The following KIF12 variants were observed in gnomAD, a reference collection of about 807,000 sequenced individuals.
The protein encoded by KIF12 is kinesin family member 12, also known as kinesin-like protein KIF12.
In KIF12, 80 loss-of-function variants were observed where a neutral mutation model predicts 87.9. The observed-to-expected ratio is 0.91, with a 90% CI of 0.76 to 1.10. The LOEUF (loss-of-function observed/expected upper bound fraction) is 1.10. Among genes scored for constraint, KIF12 ranks in the 50% least tolerant of loss-of-function variants. The pLI is 0.00. For synonymous variants in KIF12, 353 were observed against 348.5 expected (o/e 1.01, Z -0.14); for missense variants, 819 against 865.3 (o/e 0.95, Z 0.67).
chr9:114,092,114 T>TGCCCCC, intron 18 of KIF12, 114 bp from the exon 19 acceptor site: 2 of 1,389,244 alleles, frequency 1.4e-6, no homozygotes, highest in Non-Finnish European at 1.9e-6. Context: ...CCTCCACCCT[T>TGCCCCC]CCCCCCACCC....
intron 18 of KIF12, 114 bp from the exon 19 acceptor site, chr9:114,092,114 T>TCCCCCCCCCCCCCCC: frequency 7.2e-7 from 1 of 1,389,294 alleles, no homozygotes; most frequent in Non-Finnish European, 9.5e-7. Context: ...CCTCCACCCT[T>TCCCCCCCCCCCCCCC]CCCCCCACCC....
At position 114,097,808 on chromosome 9, in the gene KIF12, T is replaced by C. The variant is rs186232245; in HGVS notation, c.376-67A>G. The C allele has an allele frequency of 1.0e-4, 155 of 1,518,952 alleles. 1 individual carries two copies. The African/African-American group carries it at 1.9e-3, about 19-fold the overall frequency. The allele number at this position is 1,518,952 out of a possible 1,614,324, so 94.1% of individuals were successfully genotyped here. A position where few individuals can be genotyped will look rare whatever the true frequency, so the allele number is the denominator to read the frequency against. ...ATAACTACCCTCTGTAGCGCATGTA[T>C]GATACCGTGCGCCGGGAAACGTGCC... On this transcript the variant is annotated intron_variant, in intron 5 of 18. Coordinates refer to ENST00000640217, the MANE Select transcript of KIF12 (RefSeq NM_001388308.1).
In KIF12 at chr9:114,095,119, G is replaced by A. The variant is rs777225165; in HGVS notation, c.1023C>T (p.Cys341=). The A allele has an allele frequency of 1.1e-5, 17 of 1,606,258 alleles. No homozygotes were observed. In the East Asian group the frequency reaches 1.3e-4, roughly 13 times the overall value. ...GAAGGCACTGGGCTGAGGGGGACAC[G>A]CAGGCCACCTGGGGAGTGCACTCCC... is the stretch of plus-strand genomic sequence containing the variant. The part of the protein sequence containing the change: ...GGRGVTLMVA[C]VSPSAQCLPE... Residue 341 remains cysteine, a synonymous_variant, in exon 11 of 19, where the codon TGC becomes TGT. Coordinates refer to ENST00000640217, the MANE Select transcript of KIF12 (RefSeq NM_001388308.1).
rs1447674211 is a variant in KIF12 at position 114,098,930 on chromosome 9, C to T, written c.171+5G>A. 3.2e-6 allele frequency: 5 copies of T among 1,546,940 alleles called. No individual in the cohort carries two copies. In the Admixed American group the frequency reaches 5.9e-5, roughly 18 times the overall value. ...ATTGGGGAGATAGAGAGAGGGGTTC[C>T]TCACCTGCAGAGTCCGGGTCCCTGA... On this transcript the variant is annotated splice_donor_5th_base_variant and intron_variant, in intron 3 of 18. Transcript: ENST00000640217.
chr9:114,098,501 T>C, intron 3 of KIF12, 72 bp from the exon 4 acceptor site: 1 of 767,786 alleles, frequency 1.3e-6, no homozygotes, highest in Non-Finnish European at 1.7e-6. Context: ...CGGGGCACCG[T>C]GGAGGAGGGC....
chr9:114,098,681 C>A (rs1241216091), intron 3 of KIF12, among the ~76,000 whole-genome samples: 1 of 12,230 alleles, frequency 8.2e-5, no homozygotes, highest in African/African-American at 4.6e-4. Context: ...CCTGGAGGGG[C>A]GGGGCATTCT....
rs141171984 is a variant in KIF12, at chr9:114,095,024, T to C, written c.1118A>G (p.Lys373Arg). ...CAGCTTGTGCCTGCCTATACTCACCTTGGGGGCCTGTGGTCGGGTGGTGAC... is the reference window on the plus strand; with the variant it reads ...CAGCTTGTGCCTGCCTATACTCACCCTGGGGGCCTGTGGTCGGGTGGTGAC... Reference protein sequence around the residue: ...QRVTTRPQAPKSPVAKQPQRL... With the variant: ...QRVTTRPQAPRSPVAKQPQRL... The change falls in exon 11 of 19, where the codon AAG becomes AGG. Residue 373 changes from lysine (K) to arginine (R), a missense_variant and splice_region_variant. By Grantham distance (26) the Lys-to-Arg change is conservative (BLOSUM62 2). Coordinates refer to ENST00000640217, the MANE Select transcript of KIF12 (RefSeq NM_001388308.1). 463 of 1,587,792 alleles carry C rather than the reference T, an allele frequency of 2.9e-4. No homozygotes were observed. The highest frequency in any genetic ancestry group is 1.3e-4 in the Non-Finnish European group (150 of 1,166,966).
intron 16 of KIF12, 81 bp from the exon 17 acceptor site, chr9:114,092,723 A>T: frequency 1.3e-6 from 2 of 1,519,622 alleles, no homozygotes; most frequent in Non-Finnish European, 1.8e-6. Context: ...TAGCCATGAC[A>T]CCCCACCATG....
Position 114,094,186 on chromosome 9 carries a change from C to T in KIF12, c.1308G>A (p.Arg436=), listed in dbSNP as rs1327052295. 2 of 1,613,266 alleles carry T rather than the reference C, an allele frequency of 1.2e-6. No homozygotes were observed. Among genetic ancestry groups the T allele is most frequent in the Admixed American group, 1.7e-5 (1 of 59,992 alleles). ...GGCTGTGGGCTGTGCCCTACCTGAG[C>T]CTCTCATTCTCTAGCATGAACTCCT... ...MLQEFMLENE[R]LRKEKSQLQN... is the part of the protein sequence containing the mutation. Residue 436 remains arginine, a synonymous_variant, in exon 13 of 19, where the codon AGG becomes AGA. Transcript: ENST00000640217.
At position 114,091,932 on chromosome 9, in the gene KIF12, G is replaced by A. The variant is rs370128201; in HGVS notation, c.1885C>T (p.Arg629Ter). ...CAGGGTGGCTGGCTGCGGCCACGTC[G>A]CAGGGAGCTGCCAATCTGGTCTCTG... The part of the protein sequence containing the change: ...ALRDQIGSSL[R>*]RGRSQPPCSE... The change falls in exon 19 of 19, where the codon CGA (arginine) becomes TGA (stop). Residue 629 changes from arginine (R) to a stop codon, truncating the protein, a stop_gained. Transcript: ENST00000640217. LOFTEE classifies it low-confidence loss of function (END_TRUNC). 116 of 1,612,206 alleles carry A rather than the reference G, an allele frequency of 7.2e-5. No individual in the cohort carries two copies. Among genetic ancestry groups the A allele is most frequent in the East Asian group, 1.6e-4 (7 of 44,870 alleles).
At chr9:114,097,066 G>A (rs1005181865) in intron 7 of KIF12, among the ~76,000 whole-genome samples, 27 of 152,326 alleles carry the variant, frequency 1.8e-4, no homozygotes, top group South Asian at 4.1e-4. Context: ...CGAGGCCCTG[G>A]GCTAGAGAGG....
chr9:114,097,615 T>C lies in KIF12; in HGVS notation c.502A>G (p.Asn168Asp). The C allele has an allele frequency of 1.2e-6, 2 of 1,614,080 alleles. No individual in the cohort carries two copies. Among genetic ancestry groups the C allele is most frequent in the Non-Finnish European group, 1.7e-6 (2 of 1,179,998 alleles). The change falls in exon 6 of 19, where the codon AAT becomes GAT. Residue 168 changes from asparagine to aspartate, a missense_variant. Asn to Asp is a conservative substitution (Grantham distance 23). Coordinates refer to ENST00000640217, the MANE Select transcript of KIF12 (RefSeq NM_001388308.1). ...TCCTCTCATTCCCTTACCTGCTCAT[T>C]GTAGATCTCCAGATAAGAGGCGCGA... ...TLRASYLEIYNEQVRDLLSLG... is the reference protein window; with the variant it reads ...TLRASYLEIYDEQVRDLLSLG...
chr9:114,098,252 T>C (rs1267415552), intron 4 of KIF12, 50 bp downstream of exon 4: 1 of 1,516,036 alleles, frequency 6.6e-7, no homozygotes, highest in Non-Finnish European at 8.8e-7. Flanking sequence ...CTGGGGGTGC[T>C]TCGGGGCCCC....
At position 114,093,269 on chromosome 9, in the gene KIF12, G is replaced by C; in HGVS notation, c.1556C>G (p.Ala519Gly). 6.4e-7 allele frequency: 1 copy of C among 1,558,366 alleles called. No homozygotes were observed. The highest frequency in any genetic ancestry group is 1.2e-5 in the South Asian group (1 of 84,556). The change falls in exon 16 of 19, where the codon GCC becomes GGC. Residue 519 changes from alanine (A) to glycine (G), a missense_variant. Transcript: ENST00000640217. ...HICPLCRVPL[A>G]HWACLPGEHH... ...CTCCCCTGGCAGGCAGGCCCAGTGGGCCAGGGGCACTCGACACAGTGGGCA... is the reference window on the plus strand; with the variant it reads ...CTCCCCTGGCAGGCAGGCCCAGTGGCCCAGGGGCACTCGACACAGTGGGCA...
At chr9:114,096,605 G>A (rs1035496464) in intron 7 of KIF12, 127 bp from the exon 8 acceptor site, 50 of 776,964 alleles carry the variant, frequency 6.4e-5, no homozygotes, top group South Asian at 3.3e-4. Context: ...GCAACAGAGT[G>A]GGTGTTGTTC....
Position 114,092,190 on chromosome 9 carries a change from C to T in KIF12, c.1816+143G>A, listed in dbSNP as rs1847024419. The T allele has an allele frequency of 4.0e-6, 6 of 1,486,426 alleles. No individual in the cohort carries two copies. The South Asian group carries it at 8.8e-5, about 22-fold the overall frequency. The allele number at this position is 1,486,426 out of a possible 1,614,324, so 92.1% of individuals were successfully genotyped here. On this transcript the variant is annotated intron_variant, in intron 18 of 18. Transcript: ENST00000640217. ...GCAGATGCTCCTAAAAAGAGAATTCCAAGTTTGGGAAGTAGAAAGATCTTA... is the reference window on the plus strand; with the variant it reads ...GCAGATGCTCCTAAAAAGAGAATTCTAAGTTTGGGAAGTAGAAAGATCTTA...
At chr9:114,092,165 G>C in intron 18 of KIF12, 165 bp from the exon 19 acceptor site, 1 of 1,371,594 alleles carries the variant, frequency 7.3e-7, no homozygotes, top group East Asian at 2.9e-5. Flanking sequence ...ATCTGGGCAC[G>C]CAGATGCTCC....
At chr9:114,092,843 GC>G (rs2134877865) in intron 16 of KIF12, 2 of 1,435,644 alleles carry the variant, frequency 1.4e-6, no homozygotes, top group South Asian at 3.0e-5. Flanking sequence ...GAGACTAGAA[GC>G]CTCCTGAGAG....
intron 11 of KIF12, 35 bp downstream of exon 11, chr9:114,094,988 C>T (rs771886429): frequency 1.4e-5 from 21 of 1,510,498 alleles, no homozygotes; most frequent in African/African-American, 9.7e-5. Flanking sequence ...AGCATCTCCA[C>T]GCCTGTCCCT....
Sources: allele counts gnomAD v4.1 joint callset (sites outside exome capture counted in the v4.1 genomes callset), GRCh38; gene constraint gnomAD v4.1.1; transcripts MANE v1.5; gene names NCBI Gene and HGNC (gene_info 2026-07-23, HGNC 2026-07-21).